The following GLS variants were observed in gnomAD, a reference collection of about 807,000 sequenced individuals.
GLS encodes glutaminase.
In GLS, 36 loss-of-function variants were observed where a neutral mutation model predicts 86.7. The observed-to-expected ratio is 0.42, with a 90% confidence interval of 0.32 to 0.55. The LOEUF is 0.55. GLS is among the 20% of genes least tolerant of loss of function. The probability of loss-of-function intolerance (pLI) is 0.17; values close to 1 mark genes in which losing one functional copy is unlikely to be tolerated. For synonymous variants in GLS, 317 were observed against 305.9 expected (o/e 1.04, Z -0.38); for missense variants, 528 against 833.4 (o/e 0.63, Z 4.51).
In GLS at chr2:190,895,740, C is replaced by G; in HGVS notation, c.605+15C>G. 1.3e-6 allele frequency: 2 copies of G among 1,568,694 alleles called. No individual in the cohort carries two copies. Among genetic ancestry groups the G allele is most frequent in the South Asian group, 1.2e-5 (1 of 84,286 alleles). ...CTTTTTAAAAAGTAAAAGTTTCTGC[C>G]AAACCTTTAATGGTGATTTGCTATG... is the stretch of plus-strand genomic sequence containing the variant. On this transcript the variant is annotated intron_variant, in intron 3 of 17. Transcript: ENST00000320717. This position sits in a 1 kb window ranked among gnomAD's most constrained non-coding sequence, Gnocchi z 4.2.
At chr2:190,906,594 C>T (rs1393357314) in intron 6 of GLS, among the ~76,000 whole-genome samples, 1 of 152,214 alleles carries the variant, frequency 6.6e-6, no homozygotes, top group East Asian at 1.9e-4. Context: ...TATTCATAGA[C>T]GTTTTCTAAG....
intron 1 of GLS, among the ~76,000 whole-genome samples, chr2:190,894,622 A>C (rs138237957): frequency 1.3e-5 from 2 of 152,342 alleles, no homozygotes; most frequent in East Asian, 3.9e-4. Flanking sequence ...ACCCAAGGTT[A>C]CACAACTATA....
At chr2:190,922,459 C>G (rs1159989352) in intron 9 of GLS, among the ~76,000 whole-genome samples, 1 of 152,048 alleles carries the variant, frequency 6.6e-6, no homozygotes, top group Non-Finnish European at 1.5e-5. Context: ...TCTCAACTTG[C>G]CTCTTTTCTG....
Position 190,913,336 on chromosome 2 carries a change from T to C in GLS, c.1038+3015T>C. The C allele has an allele frequency of 1.7e-6, 2 of 1,194,536 alleles. No homozygotes were observed. Among genetic ancestry groups the C allele is most frequent in the Non-Finnish European group, 2.1e-6 (2 of 931,148 alleles). The allele number at this position is 1,194,536 out of a possible 1,614,324, so 74.0% of individuals were successfully genotyped here. A position where few individuals can be genotyped will look rare whatever the true frequency, so the allele number is the denominator to read the frequency against. Reference sequence around the variant, plus strand: ...TACTAAGCTTATAGGAAAACTCCAATATTTAAAATTTTAAACAAAGCTATA... The same window carrying C: ...TACTAAGCTTATAGGAAAACTCCAACATTTAAAATTTTAAACAAAGCTATA... On this transcript the variant is annotated intron_variant, in intron 7 of 17. Coordinates refer to ENST00000320717, the MANE Select transcript of GLS (RefSeq NM_014905.5). This position sits in a 1 kb window ranked among gnomAD's most constrained non-coding sequence, Gnocchi z 6.1.
chr2:190,909,856 A>T (rs1689296681), intron 6 of GLS, among the ~76,000 whole-genome samples: 3 of 152,122 alleles, frequency 2.0e-5, no homozygotes, highest in African/African-American at 7.2e-5. Flanking sequence ...AGCCTGGGCA[A>T]CATAGGGAGA....
chr2:190,931,176 A>G (rs544565239), intron 13 of GLS, among the ~76,000 whole-genome samples: 11 of 152,302 alleles, frequency 7.2e-5, no homozygotes, highest in African/African-American at 2.4e-4. Context: ...CAAAAACTAG[A>G]GTATGACCTT....
intron 14 of GLS, among the ~76,000 whole-genome samples, chr2:190,946,549 T>C (rs1690581138): frequency 6.6e-5 from 10 of 152,142 alleles, no homozygotes; most frequent in Admixed American, 6.5e-4. Flanking sequence ...TGAATTCATG[T>C]TTATATGAAG....
At chr2:190,922,032 G>C (rs545827665) in intron 9 of GLS, among the ~76,000 whole-genome samples, 6 of 152,114 alleles carry the variant, frequency 3.9e-5, no homozygotes, top group African/African-American at 1.2e-4. Flanking sequence ...AAGAGTGCAG[G>C]CTGCTTGTTT....
chr2:190,887,481 A>T (rs925705220), intron 1 of GLS, among the ~76,000 whole-genome samples: 46 of 152,296 alleles, frequency 3.0e-4, no homozygotes, highest in African/African-American at 1.1e-3. Context: ...TGCATAATGA[A>T]TAAAACTGAT....
At position 190,905,249 on chromosome 2, in the gene GLS, A is replaced by T. The variant is rs745565807; in HGVS notation, c.979+82A>T. The T allele has an allele frequency of 8.9e-6, 7 of 789,092 alleles. No individual in the cohort carries two copies. Among genetic ancestry groups the T allele is most frequent in the Non-Finnish European group, 1.4e-5 (7 of 494,078 alleles). 48.9% of individuals were successfully genotyped at this position (789,092 alleles called of 1,614,324 possible). A position where few individuals can be genotyped will look rare whatever the true frequency, so the allele number is the denominator to read the frequency against. On this transcript the variant is annotated intron_variant, in intron 6 of 17. Coordinates refer to ENST00000320717, the MANE Select transcript of GLS (RefSeq NM_014905.5). The surrounding 1 kb of genome is among the most constrained non-coding windows in gnomAD (Gnocchi z 4.6). Reference sequence around the variant, plus strand: ...TCTAAGTCGTTTTAAACATTTTTTGATTAAAATTAAAAGTATTTGTCATGT... The same window carrying T: ...TCTAAGTCGTTTTAAACATTTTTTGTTTAAAATTAAAAGTATTTGTCATGT...
chr2:190,948,778 G>A (rs1290846960), intron 14 of GLS, among the ~76,000 whole-genome samples: 4 of 152,192 alleles, frequency 2.6e-5, no homozygotes, highest in Non-Finnish European at 5.9e-5. Context: ...AGAGATTGGA[G>A]CAGAGTTCAC....
intron 12 of GLS, 75 bp downstream of exon 12, chr2:190,927,557 A>G (rs778406297): frequency 1.9e-6 from 2 of 1,041,806 alleles, no homozygotes; most frequent in Non-Finnish European, 2.8e-6. Flanking sequence ...TGCAGTTTGA[A>G]CTTTGCTTCT....
In GLS at chr2:190,962,997, T is replaced by A; in HGVS notation, c.*11T>A. ...GATGGATTGTTGTAATGGTCTCAAA[T>A]CCCAAGATTTAAATCACTTACCTAT... On this transcript the variant is annotated 3_prime_UTR_variant, in exon 18 of 18. Coordinates refer to ENST00000320717, the MANE Select transcript of GLS (RefSeq NM_014905.5). The surrounding 1 kb of genome is among the most constrained non-coding windows in gnomAD (Gnocchi z 4.2). 1 of 1,566,422 alleles carries A rather than the reference T, an allele frequency of 6.4e-7. No individual in the cohort carries two copies.
chr2:190,920,632 A>G lies in GLS; in HGVS notation c.1039-392A>G, dbSNP rs1205389121. Among the ~76,000 whole-genome samples, 2 of 151,758 alleles carry G rather than the reference A, an allele frequency of 1.3e-5. No homozygotes were observed. The highest frequency in any genetic ancestry group is 3.0e-5 in the Non-Finnish European group (2 of 67,754). On this transcript the variant is annotated intron_variant, in intron 7 of 17. Transcript: ENST00000320717. This position sits in a 1 kb window ranked among gnomAD's most constrained non-coding sequence, Gnocchi z 4.2. ...TGTTCTTAATTGAAATATTTTATATATACTTAATTCTTTTCGAAGGGTGAA... is the reference window on the plus strand; with the variant it reads ...TGTTCTTAATTGAAATATTTTATATGTACTTAATTCTTTTCGAAGGGTGAA...
At chr2:190,922,108 C>T (rs1173344518) in intron 9 of GLS, among the ~76,000 whole-genome samples, 1 of 152,032 alleles carries the variant, frequency 6.6e-6, no homozygotes, top group African/African-American at 2.4e-5. Context: ...AGCTTGTGTA[C>T]CATACGGTCT....
At chr2:190,959,975 A>T (rs1035407907) in intron 17 of GLS, among the ~76,000 whole-genome samples, 1 of 152,218 alleles carries the variant, frequency 6.6e-6, no homozygotes, top group African/African-American at 2.4e-5. Flanking sequence ...AATGAAAAGA[A>T]GGGCATTCTA....
In GLS at chr2:190,954,824, C is replaced by CACTT; in HGVS notation, c.1853+8_1853+11dup. The CACTT allele has an allele frequency of 6.3e-7, 1 of 1,586,874 alleles. No individual in the cohort carries two copies. The highest frequency in any genetic ancestry group is 2.2e-5 in the East Asian group (1 of 44,772). On this transcript the variant is annotated splice_region_variant and intron_variant, in intron 17 of 17. Transcript: ENST00000320717. The surrounding 1 kb of genome is among the most constrained non-coding windows in gnomAD (Gnocchi z 4.0). ...AACCCTTTCCCCAAGGACAGGTGAG[C>CACTT]ACTTATGTTACCTTCTAAATATGTC...
chr2:190,927,713 G>A (rs1689945477), intron 12 of GLS: 1 of 393,926 alleles, frequency 2.5e-6, no homozygotes, highest in Non-Finnish European at 4.6e-6. Flanking sequence ...CTGCTTTTAA[G>A]GCAATCCAGT....
chr2:190,939,451 A>G (rs566363689), intron 14 of GLS, among the ~76,000 whole-genome samples: 3 of 151,708 alleles, frequency 2.0e-5, no homozygotes, highest in Admixed American at 6.6e-5. Flanking sequence ...AACTCATTCA[A>G]TATAAAGTCT....
Sources: gnomAD v4.1 joint callset for allele counts (sites outside exome capture counted in the v4.1 genomes callset) on GRCh38, gnomAD v4.1.1 for gene constraint, Gnocchi (gnomAD v3.1) non-coding constraint, MANE v1.5 for transcripts, NCBI Gene and HGNC (gene_info 2026-07-23, HGNC 2026-07-21) for gene names.